SYMPK: variants seen among roughly 807,000 people sequenced by gnomAD.
SYMPK encodes symplekin.
Under a neutral mutation model 136.4 loss-of-function variants are expected in SYMPK, and 49 were observed. The observed-to-expected ratio is 0.36, with a 90% CI of 0.29 to 0.46. The LOEUF is 0.46. Ranked by LOEUF, SYMPK falls within the 20% of genes least tolerant of loss-of-function variation. The pLI, the probability that SYMPK is intolerant of heterozygous loss-of-function variation, is 1.00. For synonymous variants in SYMPK, 766 were observed against 713.0 expected, an observed-to-expected ratio of 1.07 and a Z score of -1.19; for missense variants, 1,365 against 1,690.0, an observed-to-expected ratio of 0.81 and a Z score of 3.37.
Position 45,815,451 on chromosome 19 carries a change from C to T in SYMPK, c.*109G>A. ...TTTTTTTTCTTTTCAGTAACTTGCC[C>T]AAGTTCACATCTTTTATTTCTTTTT... is the stretch of plus-strand genomic sequence containing the variant. On this transcript the variant is annotated 3_prime_UTR_variant, in exon 27 of 27. Coordinates refer to ENST00000245934, the MANE Select transcript of SYMPK (RefSeq NM_004819.3). 8.6e-7 allele frequency: 1 copy of T among 1,163,516 alleles called. No homozygotes were observed. The allele number at this position is 1,163,516 out of a possible 1,614,324, so 72.1% of individuals were successfully genotyped here.
rs1389397264 is a variant in SYMPK, at chr19:45,826,217, G to A, written c.2329+9C>T. The A allele has an allele frequency of 6.2e-7, 1 of 1,608,962 alleles. No individual in the cohort carries two copies. Among genetic ancestry groups the A allele is most frequent in the African/African-American group, 1.3e-5 (1 of 74,840 alleles). Reference sequence around the variant, plus strand: ...GCGCTCAGTATGCATCTGATGACCTGTGCCCAACCTGTGTCCTTGTCAGCT... The same window carrying A: ...GCGCTCAGTATGCATCTGATGACCTATGCCCAACCTGTGTCCTTGTCAGCT... On this transcript the variant is annotated intron_variant, in intron 17 of 26. Coordinates refer to ENST00000245934, the MANE Select transcript of SYMPK (RefSeq NM_004819.3).
chr19:45,852,315 G>C lies in SYMPK; in HGVS notation c.296C>G (p.Ala99Gly). 1 of 1,614,238 alleles carries C rather than the reference G, an allele frequency of 6.2e-7. No individual in the cohort carries two copies. The highest frequency in any genetic ancestry group is 8.5e-7 in the Non-Finnish European group (1 of 1,180,038). Residue 99 changes from alanine (A) to glycine (G), a missense_variant, in exon 5 of 27, where the codon GCA becomes GGA. Around this residue, in one of 11 missense-constraint regions of SYMPK, gnomAD observed 237 missense variants for 292.9 expected, o/e 0.81. Transcript: ENST00000245934. ...RKFVIGFIEE[A>G]CKRDIELLLK... ...GGCTCCGTGCCTCGCCCCATACCATGCCTCCTCGATGAAGCCGATGACAAA... is the reference window on the plus strand; with the variant it reads ...GGCTCCGTGCCTCGCCCCATACCATCCCTCCTCGATGAAGCCGATGACAAA...
In SYMPK at chr19:45,848,153, C is replaced by T. The variant is rs534711133; in HGVS notation, c.427-152G>A. The T allele has an allele frequency of 2.3e-4, 245 of 1,047,258 alleles. 1 individual carries two copies. Among genetic ancestry groups the T allele is most frequent in the Middle Eastern group, 1.9e-3 (7 of 3,656 alleles). The allele number at this position is 1,047,258 out of a possible 1,614,324, so 64.9% of individuals were successfully genotyped here. A position where few individuals can be genotyped will look rare whatever the true frequency, so the allele number is the denominator to read the frequency against. ...TACTGAGTTCCAACTCTGCCCCAGC[C>T]CAGTGCTCGGTGATGCTGGAGACAG... On this transcript the variant is annotated intron_variant, in intron 6 of 26. Transcript: ENST00000245934.
intron 1 of SYMPK, among the ~76,000 whole-genome samples, chr19:45,856,293 T>A (rs1470182145): frequency 6.6e-6 from 1 of 151,804 alleles, no homozygotes; most frequent in Non-Finnish European, 1.5e-5. Flanking sequence ...TGAGCCGAGA[T>A]CATGCCACTG....
chr19:45,826,088 G>T, intron 17 of SYMPK, 138 bp downstream of exon 17: 1 of 1,329,886 alleles, frequency 7.5e-7, no homozygotes, highest in Non-Finnish European at 1.0e-6. Flanking sequence ...GACTCCCACA[G>T]CCCCCAGGTG....
chr19:45,852,090 A>C (rs1971708132), intron 5 of SYMPK, among the ~76,000 whole-genome samples: 1 of 152,232 alleles, frequency 6.6e-6, no homozygotes, highest in Non-Finnish European at 1.5e-5. Context: ...CACAGTCCTT[A>C]GTGATAATGT....
chr19:45,829,179 C>T lies in SYMPK; in HGVS notation c.1776G>A (p.Leu592=). Residue 592 remains leucine, a synonymous_variant, in exon 14 of 27, where the codon CTG becomes CTA. Coordinates refer to ENST00000245934, the MANE Select transcript of SYMPK (RefSeq NM_004819.3). ...TCAGGCCCGAGTTGAACTGTGTCACCAGGCTGGCCAGGATCTTTATGCGGA... is the reference window on the plus strand; with the variant it reads ...TCAGGCCCGAGTTGAACTGTGTCACTAGGCTGGCCAGGATCTTTATGCGGA... ...AQVRIKILAS[L]VTQFNSGLKA... is the part of the protein sequence containing the mutation. The T allele has an allele frequency of 6.2e-7, 1 of 1,613,950 alleles. No homozygotes were observed. Among genetic ancestry groups the T allele is most frequent in the Non-Finnish European group, 8.5e-7 (1 of 1,179,854 alleles).
At chr19:45,839,096 C>A (rs923594893) in intron 9 of SYMPK, among the ~76,000 whole-genome samples, 1 of 152,038 alleles carries the variant, frequency 6.6e-6, no homozygotes. Flanking sequence ...ACCATGTTGG[C>A]CAGGCTGGTC....
chr19:45,852,188 T>TGA (rs1287141407), intron 5 of SYMPK, 124 bp downstream of exon 5: 2 of 965,542 alleles, frequency 2.1e-6, no homozygotes, highest in Non-Finnish European at 3.3e-6. Context: ...TCAGTGTGTA[T>TGA]GAGAGAGAGA....
rs765936501 is a variant in SYMPK at position 45,831,530 on chromosome 19, T to C, written c.1452A>G (p.Thr484=). ...GGCGCCGCTTGATCAGGACGCTCTC[T>C]GTCTTCACCACCTTCTCCTCCTTGG... ...EEPKEEKVVK[T]ESVLIKRRLS... Residue 484 remains threonine (T), a synonymous_variant, in exon 12 of 27, where the codon ACA becomes ACG. Transcript: ENST00000245934. 6 of 1,611,610 alleles carry C rather than the reference T, an allele frequency of 3.7e-6. No homozygotes were observed. The African/African-American group carries it at 6.7e-5, about 18-fold the overall frequency.
At chr19:45,853,221 A>T (rs1971737167) in intron 3 of SYMPK, among the ~76,000 whole-genome samples, 1 of 152,194 alleles carries the variant, frequency 6.6e-6, no homozygotes, top group East Asian at 1.9e-4. Flanking sequence ...GTTCTCACAC[A>T]GGAATGCTAA....
intron 10 of SYMPK, among the ~76,000 whole-genome samples, chr19:45,835,776 G>A (rs1441089788): frequency 3.3e-5 from 5 of 152,062 alleles, no homozygotes; most frequent in African/African-American, 9.7e-5. Context: ...GCCTGGCGCA[G>A]CAGCATGTGC....
intron 11 of SYMPK, 39 bp from the exon 12 acceptor site, chr19:45,831,627 A>T (rs1236600939): frequency 6.6e-7 from 1 of 1,520,776 alleles, no homozygotes. Context: ...AGTGCGTCAG[A>T]CCCACCTGCT....
intron 23 of SYMPK, 84 bp downstream of exon 23, chr19:45,817,875 G>C (rs192037391): frequency 1.5e-4 from 206 of 1,387,438 alleles, no homozygotes; most frequent in Non-Finnish European, 1.8e-4. Context: ...GGCTCCCTCC[G>C]GGGTCAGACG....
At chr19:45,844,007 GA>G in intron 8 of SYMPK, 22 bp downstream of exon 8, 1 of 1,454,252 alleles carries the variant, frequency 6.9e-7, no homozygotes. Context: ...AAGGCAGGGG[GA>G]GGGGGGAGGA....
intron 12 of SYMPK, 195 bp from the exon 13 acceptor site, chr19:45,830,399 T>G: frequency 1.6e-6 from 1 of 622,416 alleles, no homozygotes; most frequent in Non-Finnish European, 2.7e-6. Flanking sequence ...TTATTTTGGT[T>G]TTGCAGAGGG....
chr19:45,823,673 A>G (rs1970963278), intron 19 of SYMPK, 94 bp downstream of exon 19: 1 of 1,172,644 alleles, frequency 8.5e-7, no homozygotes, highest in Non-Finnish European at 1.3e-6. Context: ...AAGAGGTACG[A>G]CCATCTGGGG....
In SYMPK at chr19:45,820,965, C is replaced by T. The variant is rs1472482426; in HGVS notation, c.2893+419G>A. ...CCAACCCTGCCGCCCTGCAGGCAAG[C>T]TCTCCTGCCTCACCTACCCTGGCCC... On this transcript the variant is annotated intron_variant, in intron 22 of 26. Transcript: ENST00000245934. The T allele has an allele frequency of 1.4e-5, 8 of 583,144 alleles. No individual in the cohort carries two copies. In the Admixed American group the frequency reaches 2.0e-4, roughly 15 times the overall value. The allele number at this position is 583,144 out of a possible 1,614,324, so 36.1% of individuals were successfully genotyped here.
Position 45,816,811 on chromosome 19 carries a change from A to T in SYMPK, c.3245T>A (p.Phe1082Tyr). The change falls in exon 24 of 27, where the codon TTC becomes TAC. Residue 1082 changes from phenylalanine (F) to tyrosine (Y), a missense_variant. By Grantham distance (22) the Phe-to-Tyr change is conservative (BLOSUM62 3). Around this residue, in one of 11 missense-constraint regions of SYMPK, gnomAD observed 341 missense variants for 270.5 expected, o/e 1.26. Coordinates refer to ENST00000245934, the MANE Select transcript of SYMPK (RefSeq NM_004819.3). ...GGGAAGGGGTACCTGGTGGGGGGTG[A>T]AGGAGCGGACATGGGCCAGCAGGGG... ...REPLLAHVRSFTPHQQAHIPN... is the reference protein window; with the variant it reads ...REPLLAHVRSYTPHQQAHIPN... The T allele has an allele frequency of 6.5e-7, 1 of 1,536,222 alleles. No individual in the cohort carries two copies. Among genetic ancestry groups the T allele is most frequent in the Non-Finnish European group, 8.8e-7 (1 of 1,140,536 alleles).
Sources: allele counts gnomAD v4.1 joint callset (sites outside exome capture counted in the v4.1 genomes callset), GRCh38; gene constraint gnomAD v4.1.1; regional missense constraint gnomAD v4.1.1; transcripts MANE v1.5; gene names NCBI Gene and HGNC (gene_info 2026-07-23, HGNC 2026-07-21).